The following CNR2 variants were observed in gnomAD, a reference collection of about 807,000 sequenced individuals.
CNR2 encodes cannabinoid receptor 2 (macrophage).
For missense variants in CNR2, 379 were observed against 439.9 expected (o/e 0.86, Z 1.24); for synonymous variants, 172 against 182.2 (o/e 0.94, Z 0.45).
Position 23,874,990 on chromosome 1 carries a change from C to A in CNR2, c.628G>T (p.Gly210Trp). ...TGATGGGCCTTCCAGAGAACATGCCCATAGGTGTAGATGATTCCGGAAAAG... is the reference window on the plus strand; with the variant it reads ...TGATGGGCCTTCCAGAGAACATGCCAATAGGTGTAGATGATTCCGGAAAAG... ...FLFSGIIYTYGHVLWKAHQHV... is the reference protein window; with the variant it reads ...FLFSGIIYTYWHVLWKAHQHV... The change falls in exon 2 of 2, where the codon GGG (glycine) becomes TGG (tryptophan). Residue 210 changes from glycine to tryptophan, a missense_variant. Physicochemically the swap from Gly to Trp is radical, Grantham distance 184 (BLOSUM62 -2). Transcript: ENST00000374472. 1.2e-6 allele frequency: 2 copies of A among 1,610,304 alleles called. No individual in the cohort carries two copies. The highest frequency in any genetic ancestry group is 1.1e-5 in the South Asian group (1 of 90,446).
intron 1 of CNR2, among the ~76,000 whole-genome samples, chr1:23,882,773 T>C (rs1640015690): frequency 6.6e-6 from 1 of 152,006 alleles, no homozygotes; most frequent in South Asian, 2.1e-4. Flanking sequence ...TGAACCAAGA[T>C]TGTGCCACTG....
intron 1 of CNR2, chr1:23,902,656 C>T (rs1640420649): frequency 1.3e-6 from 2 of 1,595,578 alleles, no homozygotes; most frequent in African/African-American, 2.7e-5. Flanking sequence ...GTCCTGGTCG[C>T]CCCCGGGGGT....
chr1:23,886,206 G>T (rs1046371893), intron 1 of CNR2, among the ~76,000 whole-genome samples: 3 of 94,304 alleles, frequency 3.2e-5, no homozygotes, highest in African/African-American at 1.2e-4. Context: ...AAAAAAAAAA[G>T]AATAATATGC....
At chr1:23,888,513 G>A (rs1640129363) in intron 1 of CNR2, among the ~76,000 whole-genome samples, 1 of 152,092 alleles carries the variant, frequency 6.6e-6, no homozygotes, top group Non-Finnish European at 1.5e-5. Context: ...TGCATGTTTT[G>A]GTTGGGGTAG....
At chr1:23,898,707 C>T (rs945429011) in intron 1 of CNR2, among the ~76,000 whole-genome samples, 4 of 122,828 alleles carry the variant, frequency 3.3e-5, no homozygotes, top group African/African-American at 1.3e-4. Context: ...GGCTGGAGTG[C>T]AGTGGCACGA....
intron 1 of CNR2, among the ~76,000 whole-genome samples, chr1:23,905,924 A>G (rs1472790330): frequency 2.0e-5 from 3 of 152,154 alleles, no homozygotes; most frequent in East Asian, 1.9e-4. Context: ...GGGACACTCT[A>G]TCAAGCCAAT....
chr1:23,901,101 G>T (rs1174278164), intron 1 of CNR2, among the ~76,000 whole-genome samples: 5 of 151,900 alleles, frequency 3.3e-5, no homozygotes, highest in Non-Finnish European at 5.9e-5. Context: ...ACTTTTTGCC[G>T]ATTTTAGATT....
chr1:23,891,112 T>TA (rs1640182567), intron 1 of CNR2, among the ~76,000 whole-genome samples: 2 of 151,688 alleles, frequency 1.3e-5, no homozygotes, highest in Admixed American at 1.3e-4. Context: ...ACTCCTGACT[T>TA]CAAGTGATCT....
At chr1:23,906,956 G>T (rs1640502290) in intron 1 of CNR2, among the ~76,000 whole-genome samples, 1 of 151,494 alleles carries the variant, frequency 6.6e-6, no homozygotes, top group African/African-American at 2.4e-5. Flanking sequence ...TATATGCCTT[G>T]CAGGTGTAGA....
chr1:23,875,085 G>A lies in CNR2; in HGVS notation c.533C>T (p.Pro178Leu), dbSNP rs1451726101. The A allele has an allele frequency of 5.0e-6, 8 of 1,600,412 alleles. No individual in the cohort carries two copies. Among genetic ancestry groups the A allele is most frequent in the Non-Finnish European group, 6.0e-6 (7 of 1,173,088 alleles). The part of the protein sequence containing the change: ...PLMGWTCCPR[P>L]CSELFPLIPN... ...GATCAGTGGGAAAAGCTCAGAGCAG[G>A]GCCTGGGACAGCAAGTCCATCCCAT... The change falls in exon 2 of 2, where the codon CCC becomes CTC. Residue 178 changes from proline (P) to leucine (L), a missense_variant. Coordinates refer to ENST00000374472, the MANE Select transcript of CNR2 (RefSeq NM_001841.3).
chr1:23,905,150 G>A (rs1452248602), intron 1 of CNR2, among the ~76,000 whole-genome samples: 1 of 151,876 alleles, frequency 6.6e-6, no homozygotes, highest in Non-Finnish European at 1.5e-5. Flanking sequence ...CCGTGTGTCA[G>A]GCACTATTCT....
chr1:23,898,602 A>G (rs1439333957), intron 1 of CNR2, among the ~76,000 whole-genome samples: 1 of 6,898 alleles, frequency 1.4e-4, no homozygotes, highest in African/African-American at 1.9e-4. Flanking sequence ...CAGCCTCCCA[A>G]AGTGCTGGGA....
Position 23,878,330 on chromosome 1 carries a change from A to C in CNR2, c.-45-2668T>G, listed in dbSNP as rs143873142. Among the ~76,000 whole-genome samples the C allele has an allele frequency of 2.8e-3, 430 of 152,192 alleles. 5 individuals carry two copies. Among genetic ancestry groups the C allele is most frequent in the African/African-American group, 0.01 (418 of 41,524 alleles). On this transcript the variant is annotated intron_variant, in intron 1 of 1. Coordinates refer to ENST00000374472, the MANE Select transcript of CNR2 (RefSeq NM_001841.3). ...CAGTGAGCCATGATCATGCCATTGC[A>C]CTGCAGCCTGGGCAACAGAATGAGA...
intron 1 of CNR2, among the ~76,000 whole-genome samples, chr1:23,893,258 C>G (rs1640219033): frequency 1.3e-5 from 2 of 152,172 alleles, no homozygotes; most frequent in South Asian, 2.1e-4. Context: ...TCTGCATCAT[C>G]ATCTCCAGCC....
intron 1 of CNR2, among the ~76,000 whole-genome samples, chr1:23,889,376 C>T (rs1403400480): frequency 1.3e-5 from 2 of 152,166 alleles, no homozygotes; most frequent in Non-Finnish European, 2.9e-5. Context: ...ACAAGCCTCA[C>T]CGTTTTTATC....
rs1639823105 is a variant in CNR2 at position 23,874,336 on chromosome 1, C to A, written c.*199G>T. The A allele has an allele frequency of 5.0e-6, 3 of 597,480 alleles. No homozygotes were observed. Among genetic ancestry groups the A allele is most frequent in the Non-Finnish European group, 5.9e-6 (2 of 341,824 alleles). The allele number at this position is 597,480 out of a possible 1,614,324, so 37.0% of individuals were successfully genotyped here. ...ACCTGGCTACTCCTCGTGGCCCTAC[C>A]TATCCAACAGACTGTGTGCAGGTGG... On this transcript the variant is annotated 3_prime_UTR_variant, in exon 2 of 2. Coordinates refer to ENST00000374472, the MANE Select transcript of CNR2 (RefSeq NM_001841.3).
chr1:23,902,274 G>A (rs1321866931), intron 1 of CNR2: 7 of 1,436,672 alleles, frequency 4.9e-6, no homozygotes, highest in Middle Eastern at 1.8e-4. Context: ...GAAGCCTTGG[G>A]ACCGCAGGGC....
At chr1:23,877,915 C>T (rs146602439) in intron 1 of CNR2, among the ~76,000 whole-genome samples, 15 of 150,802 alleles carry the variant, frequency 9.9e-5, no homozygotes, top group African/African-American at 2.7e-4. Flanking sequence ...GAGCTGAGAT[C>T]GCACCACTGC....
At chr1:23,885,355 G>C (rs1315989833) in intron 1 of CNR2, among the ~76,000 whole-genome samples, 1 of 152,092 alleles carries the variant, frequency 6.6e-6, no homozygotes, top group Non-Finnish European at 1.5e-5. Flanking sequence ...GTATGAGTGT[G>C]AGGGAGATGG....
Sources: allele counts gnomAD v4.1 joint callset (sites outside exome capture counted in the v4.1 genomes callset), GRCh38; gene constraint gnomAD v4.1.1; transcripts MANE v1.5; gene names NCBI Gene and HGNC (gene_info 2026-07-23, HGNC 2026-07-21).